Variants in ERI1 observed in about 807,000 individuals in gnomAD.
ERI1 encodes the protein exoribonuclease 1.
Under a neutral mutation model 39.7 loss-of-function variants are expected in ERI1, and 39 were observed. That is an observed-to-expected ratio of 0.98 (90% CI 0.76 to 1.28). The LOEUF is 1.28. Ranked by LOEUF, ERI1 falls within the 50% of genes most tolerant of loss-of-function variation. ERI1 has a pLI of 0.00. For missense variants in ERI1, 581 were observed against 416.9 expected (o/e 1.39, Z -3.43); for synonymous variants, 204 against 149.6 (o/e 1.36, Z -2.65).
chr8:9,055,728 A>G (rs532325458), intron 3 of ERI1, among the ~76,000 whole-genome samples: 2 of 152,076 alleles, frequency 1.3e-5, no homozygotes, highest in African/African-American at 2.4e-5. Flanking sequence ...TTTAGTACAG[A>G]TGGGGTTTTG....
At chr8:9,038,953 C>T (rs546337741) in intron 3 of ERI1, among the ~76,000 whole-genome samples, 1 of 152,292 alleles carries the variant, frequency 6.6e-6, no homozygotes, top group South Asian at 2.1e-4. Flanking sequence ...TGACAAAAAT[C>T]ACATTGTGAT....
In ERI1 at chr8:9,012,557, C is replaced by A. The variant is rs752763452; in HGVS notation, c.498+805C>A. Among the ~76,000 whole-genome samples the A allele has an allele frequency of 3.3e-5, 5 of 152,210 alleles. No individual in the cohort carries two copies. The East Asian group carries it at 9.6e-4, about 29-fold the overall frequency. On this transcript the variant is annotated intron_variant, in intron 3 of 6. Coordinates refer to ENST00000250263, the MANE Select transcript of ERI1 (RefSeq NM_153332.4). ...TTTTAGTTATAGTCTTAGCCTATTT[C>A]TATAATTTTCTTATCCAAAGCAGAT...
chr8:9,062,417 A>G (rs762638737), intron 3 of ERI1, among the ~76,000 whole-genome samples: 1 of 151,574 alleles, frequency 6.6e-6, no homozygotes, highest in Non-Finnish European at 1.5e-5. Context: ...TGGCCTAATA[A>G]GGGAACCGGG....
At chr8:9,093,663 G>T (rs1335876028) in intron 3 of ERI1, among the ~76,000 whole-genome samples, 1 of 152,194 alleles carries the variant, frequency 6.6e-6, no homozygotes, top group African/African-American at 2.4e-5. Context: ...TGCCTCCTGG[G>T]TTCTAGCAAT....
intron 6 of ERI1, among the ~76,000 whole-genome samples, chr8:9,021,086 C>T (rs1056712104): frequency 2.6e-5 from 4 of 152,118 alleles, no homozygotes; most frequent in Non-Finnish European, 1.5e-5. Flanking sequence ...CTGCATCTTC[C>T]TACTATAGCT....
chr8:9,005,749 C>G (rs775290076), intron 1 of ERI1, among the ~76,000 whole-genome samples: 2 of 152,180 alleles, frequency 1.3e-5, no homozygotes, highest in Admixed American at 6.5e-5. Context: ...CCGCCTCGGC[C>G]TCCCAAAGTG....
At chr8:9,018,512 A>G (rs921979661) in intron 5 of ERI1, 106 bp downstream of exon 5, 3 of 644,808 alleles carry the variant, frequency 4.7e-6, no homozygotes, top group Non-Finnish European at 7.9e-6. Flanking sequence ...TAGAGACCCT[A>G]GAGTCTCACC....
At chr8:9,044,712 T>C (rs11774015) in intron 3 of ERI1, among the ~76,000 whole-genome samples, 37,056 of 151,602 alleles carry the variant, frequency 0.24, 4,891 homozygotes, top group Non-Finnish European at 0.3. Context: ...ACACAGCATG[T>C]TGAAGAAACA....
chr8:9,011,758 T>C lies in ERI1; in HGVS notation c.498+6T>C. The C allele has an allele frequency of 1.9e-6, 3 of 1,579,204 alleles. No individual in the cohort carries two copies. The stretch of plus-strand genomic sequence containing the variant: ...ATACGCATACTTTAGAAATAGTAAG[T>C]GAATTTTTGTATTTTAATTGTATTT... On this transcript the variant is annotated splice_donor_region_variant and intron_variant, in intron 3 of 6. Coordinates refer to ENST00000250263, the MANE Select transcript of ERI1 (RefSeq NM_153332.4).
At chr8:9,005,762 G>C (rs1815946108) in intron 1 of ERI1, among the ~76,000 whole-genome samples, 1 of 152,082 alleles carries the variant, frequency 6.6e-6, no homozygotes, top group Non-Finnish European at 1.5e-5. Flanking sequence ...CCAAAGTGCT[G>C]GGATTACAGG....
At chr8:9,082,489 G>A (rs1345054440) in intron 3 of ERI1, among the ~76,000 whole-genome samples, 1 of 152,106 alleles carries the variant, frequency 6.6e-6, no homozygotes, top group African/African-American at 2.4e-5. Flanking sequence ...CCTGCTTTCT[G>A]GCATGAAATC....
chr8:9,068,772 C>T (rs1484852738), intron 3 of ERI1, among the ~76,000 whole-genome samples: 1 of 152,106 alleles, frequency 6.6e-6, no homozygotes, highest in Non-Finnish European at 1.5e-5. Flanking sequence ...ACCTGCGTAC[C>T]TTGAGTGACC....
chr8:9,027,151 G>A (rs200520644), intron 6 of ERI1, among the ~76,000 whole-genome samples: 5 of 70,796 alleles, frequency 7.1e-5, no homozygotes, highest in African/African-American at 1.1e-4. Flanking sequence ...GTGTGTGTAT[G>A]TGTGTGTGTG....
intron 3 of ERI1, chr8:9,088,657 G>C (rs934558676): frequency 6.6e-6 from 1 of 152,266 alleles, no homozygotes; most frequent in East Asian, 1.9e-4. Context: ...CATTCAGCCA[G>C]TGCAAGTTGT....
rs980077420 is a variant in ERI1 at position 9,003,038 on chromosome 8, A to T, written c.-26A>T. ...GAGTTAGCAAGTGTCCGGCTCCAGC[A>T]ACTCTCCTCTGGCGTGACAGCCGGC... On this transcript the variant is annotated 5_prime_UTR_variant, in exon 1 of 7. Coordinates refer to ENST00000250263, the MANE Select transcript of ERI1 (RefSeq NM_153332.4). 4 of 1,230,058 alleles carry T rather than the reference A, an allele frequency of 3.3e-6. No individual in the cohort carries two copies. Among genetic ancestry groups the T allele is most frequent in the Non-Finnish European group, 1.0e-6 (1 of 972,762 alleles). The allele number at this position is 1,230,058 out of a possible 1,614,324, so 76.2% of individuals were successfully genotyped here. A position where few individuals can be genotyped will look rare whatever the true frequency, so the allele number is the denominator to read the frequency against.
At chr8:9,082,520 G>C (rs1799401202) in intron 3 of ERI1, among the ~76,000 whole-genome samples, 1 of 152,104 alleles carries the variant, frequency 6.6e-6, no homozygotes, top group Non-Finnish European at 1.5e-5. Context: ...TGTTTCCTTT[G>C]AAGTCCATAT....
downstream of ERI1, among the ~76,000 whole-genome samples, chr8:9,037,799 C>G (rs562417078): frequency 2.0e-5 from 3 of 151,498 alleles, no homozygotes; most frequent in Non-Finnish European, 2.9e-5. Context: ...TGTTTAATCC[C>G]TGTCTATGCT....
At chr8:9,098,573 T>C (rs1799949462) in intron 3 of ERI1, among the ~76,000 whole-genome samples, 1 of 151,900 alleles carries the variant, frequency 6.6e-6, no homozygotes, top group Non-Finnish European at 1.5e-5. Flanking sequence ...CTCCAGGCAA[T>C]GGTTGGGAGG....
At position 9,067,382 on chromosome 8, in the gene ERI1, ATGTGTGTGTGTGTGTGTGTG is replaced by A. The variant is rs10551937; in HGVS notation, n.299+46937_299+46956del. Among the ~76,000 whole-genome samples the A allele has an allele frequency of 3.5e-5, 5 of 143,900 alleles. 1 individual carries two copies. The highest frequency in any genetic ancestry group is 2.1e-4 in the East Asian group (1 of 4,856). The allele number at this position is 143,900 out of a possible 152,430, so 94.4% of individuals were successfully genotyped here. On this transcript the variant is annotated intron_variant and non_coding_transcript_variant, in intron 3 of 3. Coordinates refer to the ERI1 transcript ENST00000518663. ...GGGATTTCATTTTTAACCTGTGTGC[ATGTGTGTGTGTGTGTGTGTG>A]TGTGTGTGTGTGTGTGTGCAATATC...
Sources: gnomAD v4.1 joint callset for allele counts (sites outside exome capture counted in the v4.1 genomes callset) on GRCh38, gnomAD v4.1.1 for gene constraint, MANE v1.5 for transcripts, NCBI Gene and HGNC (gene_info 2026-07-23, HGNC 2026-07-21) for gene names.